ITGB3BP: variants seen among roughly 807,000 people sequenced by gnomAD.
The protein encoded by ITGB3BP is integrin subunit beta 3 binding protein.
A neutral mutation model predicts 29.1 loss-of-function variants in ITGB3BP; 27 were observed. The observed-to-expected ratio is 0.93, with a 90% CI of 0.68 to 1.28. The LOEUF (loss-of-function observed/expected upper bound fraction) is 1.28. ITGB3BP is among the 50% of genes most tolerant of loss of function. ITGB3BP has a pLI of 0.00. For missense variants in ITGB3BP, 192 were observed against 200.2 expected (o/e 0.96, Z 0.25); for synonymous variants, 61 against 61.4 (o/e 0.99, Z 0.03).
intron 4 of ITGB3BP, among the ~76,000 whole-genome samples, chr1:63,477,206 G>A (rs528080545): frequency 1.1e-4 from 16 of 152,254 alleles, no homozygotes; most frequent in Admixed American, 2.6e-4. Context: ...ATGGCACTCA[G>A]TTTCCACATC....
At chr1:63,455,863 AG>A (rs1221221206) in intron 4 of ITGB3BP, among the ~76,000 whole-genome samples, 7 of 144,956 alleles carry the variant, frequency 4.8e-5, no homozygotes, top group African/African-American at 1.8e-4. Context: ...AGGAATAAAA[AG>A]GTAAATTTTC....
At chr1:63,525,516 AT>A, upstream of ITGB3BP, 1 of 1,344,438 alleles carries the variant, frequency 7.4e-7, no homozygotes, top group Non-Finnish European at 9.8e-7. Flanking sequence ...ACATGGTGAC[AT>A]TTGTGTTTTA....
chr1:63,463,440 A>T (rs1356044506), intron 4 of ITGB3BP, among the ~76,000 whole-genome samples: 8 of 152,144 alleles, frequency 5.3e-5, no homozygotes, highest in African/African-American at 1.9e-4. Context: ...GGATTGAGTC[A>T]ATGTCAATTT....
chr1:63,497,198 G>A (rs1391759847), intron 2 of ITGB3BP, among the ~76,000 whole-genome samples: 2 of 152,224 alleles, frequency 1.3e-5, no homozygotes, highest in East Asian at 1.9e-4. Context: ...CTAGCTACTC[G>A]GGAGGTTGAG....
intron 4 of ITGB3BP, among the ~76,000 whole-genome samples, chr1:63,462,450 G>T (rs1313317001): frequency 1.3e-5 from 2 of 152,058 alleles, no homozygotes; most frequent in African/African-American, 2.4e-5. Context: ...CAATTTAAAT[G>T]ACTTTTATTT....
intron 4 of ITGB3BP, among the ~76,000 whole-genome samples, chr1:63,474,937 CAAA>C (rs1645307799): frequency 6.7e-6 from 1 of 150,096 alleles, no homozygotes; most frequent in African/African-American, 2.5e-5. Context: ...AAAACAAAAA[CAAA>C]AACTGATCCA....
intron 4 of ITGB3BP, among the ~76,000 whole-genome samples, chr1:63,478,201 T>C (rs112166653): frequency 3.0e-3 from 462 of 152,336 alleles, no homozygotes; most frequent in African/African-American, 0.011. Flanking sequence ...TTTCAATTTG[T>C]CATTGGTTGA....
chr1:63,504,739 A>G (rs1045074048), intron 2 of ITGB3BP, among the ~76,000 whole-genome samples: 15 of 152,284 alleles, frequency 9.9e-5, no homozygotes, highest in African/African-American at 3.1e-4. Context: ...GAATTTTGTC[A>G]AAGGCCTTTT....
At chr1:63,494,683 C>A (rs779648693) in intron 2 of ITGB3BP, among the ~76,000 whole-genome samples, 4 of 152,096 alleles carry the variant, frequency 2.6e-5, no homozygotes, top group Non-Finnish European at 5.9e-5. Context: ...AAATAAAATA[C>A]TGGCTAAAAA....
chr1:63,525,501 G>T, upstream of ITGB3BP: 16 of 1,232,792 alleles, frequency 1.3e-5, no homozygotes, highest in South Asian at 1.3e-4. Context: ...CCCTGTATTT[G>T]AAAGACATGG....
intron 7 of ITGB3BP, among the ~76,000 whole-genome samples, chr1:63,453,336 T>C (rs953846764): frequency 2.0e-5 from 3 of 152,184 alleles, no homozygotes; most frequent in African/African-American, 7.2e-5. Context: ...GTAGGTACTA[T>C]TAATCACTCC....
intron 2 of ITGB3BP, among the ~76,000 whole-genome samples, chr1:63,498,810 T>A (rs756872025): frequency 1.3e-5 from 2 of 151,358 alleles, no homozygotes; most frequent in African/African-American, 4.9e-5. Context: ...AATCTTCAGC[T>A]AGACTGATGA....
Position 63,454,042 on chromosome 1 carries a change from C to A in ITGB3BP, c.428-68G>T. Reference sequence around the variant, plus strand: ...ATGGATAATTTCTCAATACTTGCAACAAACAACTTCATGAGAAAAAAATAA... The same window carrying A: ...ATGGATAATTTCTCAATACTTGCAAAAAACAACTTCATGAGAAAAAAATAA... On this transcript the variant is annotated intron_variant, in intron 6 of 8. Transcript: ENST00000271002. This position sits in a 1 kb window ranked among gnomAD's most constrained non-coding sequence, Gnocchi z 4.1. The A allele has an allele frequency of 1.2e-6, 1 of 819,040 alleles. No homozygotes were observed. The highest frequency in any genetic ancestry group is 1.6e-5 in the South Asian group (1 of 61,106). 50.7% of individuals were successfully genotyped at this position (819,040 alleles called of 1,614,324 possible). A position where few individuals can be genotyped will look rare whatever the true frequency, so the allele number is the denominator to read the frequency against.
chr1:63,503,664 T>C (rs1049247359), intron 2 of ITGB3BP, among the ~76,000 whole-genome samples: 9 of 152,240 alleles, frequency 5.9e-5, no homozygotes, highest in Non-Finnish European at 1.0e-4. Flanking sequence ...TTTAAGTCTT[T>C]AATCCATCTT....
chr1:63,525,624 C>T (rs139665471), upstream of ITGB3BP: 26 of 1,595,520 alleles, frequency 1.6e-5, no homozygotes, highest in African/African-American at 2.5e-4. Context: ...GAAATCAACA[C>T]CTTCAGAGAG....
At chr1:63,459,704 A>C (rs1351513798) in intron 4 of ITGB3BP, among the ~76,000 whole-genome samples, 1 of 152,090 alleles carries the variant, frequency 6.6e-6, no homozygotes, top group Non-Finnish European at 1.5e-5. Context: ...AGTACCAATA[A>C]ATTATTTAAT....
At chr1:63,452,716 ACG>A (rs1644879482) in intron 7 of ITGB3BP, among the ~76,000 whole-genome samples, 1 of 151,672 alleles carries the variant, frequency 6.6e-6, no homozygotes, top group Non-Finnish European at 1.5e-5. Flanking sequence ...ATCACAGTAG[ACG>A]TTAGTTGTTC....
intron 1 of ITGB3BP, chr1:63,510,177 C>T: frequency 3.9e-6 from 2 of 509,924 alleles, no homozygotes; most frequent in Non-Finnish European, 3.6e-6. Flanking sequence ...GCAACGGGAG[C>T]AAAACTGTCT....
chr1:63,504,627 A>G (rs765033072), intron 2 of ITGB3BP, among the ~76,000 whole-genome samples: 10 of 152,156 alleles, frequency 6.6e-5, no homozygotes, highest in Non-Finnish European at 1.2e-4. Context: ...TTGCCCATTC[A>G]GTGTGATATT....
Sources: gnomAD v4.1 joint callset for allele counts (sites outside exome capture counted in the v4.1 genomes callset) on GRCh38, gnomAD v4.1.1 for gene constraint, Gnocchi (gnomAD v3.1) non-coding constraint, MANE v1.5 for transcripts, NCBI Gene and HGNC (gene_info 2026-07-23, HGNC 2026-07-21) for gene names.